Variants in SHC3 observed in about 807,000 individuals in gnomAD.
The protein encoded by SHC3 is SHC adaptor protein 3, also known as SHC-transforming protein 3.
A neutral mutation model predicts 60.4 loss-of-function variants in SHC3; 15 were observed. The observed-to-expected ratio is 0.25, with a 90% confidence interval of 0.17 to 0.38. The LOEUF is 0.38. Ranked by LOEUF, SHC3 falls within the 10% of genes least tolerant of loss-of-function variation. The pLI is 1.00. For synonymous variants in SHC3, 294 were observed against 325.9 expected, an observed-to-expected ratio of 0.90 and a Z score of 1.05; for missense variants, 677 against 786.1, an observed-to-expected ratio of 0.86 and a Z score of 1.66.
At chr9:89,074,439 A>T (rs1825321947) in intron 4 of SHC3, among the ~76,000 whole-genome samples, 1 of 152,124 alleles carries the variant, frequency 6.6e-6, no homozygotes, top group Non-Finnish European at 1.5e-5. Flanking sequence ...TGGTAGCTAA[A>T]ATAGCTACTC....
intron 1 of SHC3, among the ~76,000 whole-genome samples, chr9:89,144,324 T>C (rs1414364684): frequency 6.6e-6 from 1 of 152,198 alleles, no homozygotes; most frequent in African/African-American, 2.4e-5. Flanking sequence ...AAAGAACAAG[T>C]AAAAGAAACT....
chr9:89,101,468 T>C (rs1343424559), intron 2 of SHC3, among the ~76,000 whole-genome samples: 1 of 152,166 alleles, frequency 6.6e-6, no homozygotes, highest in Non-Finnish European at 1.5e-5. Flanking sequence ...TTAACTATGA[T>C]ATTGACTGTA....
At chr9:89,116,076 A>T (rs920119682) in intron 1 of SHC3, among the ~76,000 whole-genome samples, 5 of 152,144 alleles carry the variant, frequency 3.3e-5, no homozygotes, top group African/African-American at 9.7e-5. Flanking sequence ...ACCACCATCG[A>T]TGTTGCAAAA....
At chr9:89,037,338 T>A in intron 11 of SHC3, 1 of 603,262 alleles carries the variant, frequency 1.7e-6, no homozygotes, top group East Asian at 2.8e-5. Context: ...TTTTAAACAA[T>A]CCTGGAATTT....
At chr9:89,047,237 C>T (rs937044921) in intron 7 of SHC3, among the ~76,000 whole-genome samples, 1 of 152,174 alleles carries the variant, frequency 6.6e-6, no homozygotes, top group Non-Finnish European at 1.5e-5. Flanking sequence ...TGTAAAAGTA[C>T]ATTTTAATTA....
intron 9 of SHC3, among the ~76,000 whole-genome samples, chr9:89,043,449 A>C (rs959317457): frequency 6.6e-5 from 10 of 152,192 alleles, no homozygotes; most frequent in African/African-American, 2.4e-4. Flanking sequence ...TTCATTAAAA[A>C]ATTTTAAAAG....
rs567364605 is a variant in SHC3, at chr9:89,082,414, G to C, written c.546-4511C>G. Among the ~76,000 whole-genome samples, 3 of 152,312 alleles carry C rather than the reference G, an allele frequency of 2.0e-5. No individual in the cohort carries two copies. In the South Asian group the frequency reaches 6.2e-4, roughly 32 times the overall value. On this transcript the variant is annotated intron_variant, in intron 2 of 11. Coordinates refer to ENST00000375835, the MANE Select transcript of SHC3 (RefSeq NM_016848.6). ...TCTGCCAGGCTATAGCAGGAGGGCA[G>C]TTGCTCCTCAAACACAGCCACTCCT...
chr9:89,176,083 C>T (rs1250866181), intron 1 of SHC3, among the ~76,000 whole-genome samples: 2 of 152,186 alleles, frequency 1.3e-5, no homozygotes, highest in Admixed American at 1.3e-4. Context: ...GGAACCAAAA[C>T]ATGGATGGTA....
At chr9:89,041,578 T>C (rs1394374322) in intron 10 of SHC3, among the ~76,000 whole-genome samples, 1 of 152,076 alleles carries the variant, frequency 6.6e-6, no homozygotes, top group Non-Finnish European at 1.5e-5. Flanking sequence ...AAAACCCTCA[T>C]AAGAGAGAGG....
intron 1 of SHC3, among the ~76,000 whole-genome samples, chr9:89,160,120 C>T (rs1381920849): frequency 6.6e-6 from 1 of 152,216 alleles, no homozygotes; most frequent in Non-Finnish European, 1.5e-5. Context: ...CTCTAAGGGG[C>T]TACAGCCCAT....
At position 89,006,628 on chromosome 9, in the gene SHC3, T is replaced by C. The variant is rs1238539238; in HGVS notation, c.*6819A>G. ...GCCATCCAAATGCTTTTTAAAAAGT[T>C]ATTATCTTATTATTACACATTAAAT... On this transcript the variant is annotated 3_prime_UTR_variant, in exon 12 of 12. Coordinates refer to ENST00000375835, the MANE Select transcript of SHC3 (RefSeq NM_016848.6). 1 of 152,258 alleles carries C rather than the reference T, an allele frequency of 6.6e-6. No homozygotes were observed. Among genetic ancestry groups the C allele is most frequent in the East Asian group, 1.9e-4 (1 of 5,206 alleles). The allele number at this position is 152,258 out of a possible 1,614,324, so 9.4% of individuals were successfully genotyped here.
At chr9:89,100,605 A>G (rs892439530) in intron 2 of SHC3, among the ~76,000 whole-genome samples, 35 of 152,126 alleles carry the variant, frequency 2.3e-4, no homozygotes, top group African/African-American at 8.4e-4. Flanking sequence ...TTTATCCCCA[A>G]AAGGTTTCTC....
intron 1 of SHC3, among the ~76,000 whole-genome samples, chr9:89,124,648 G>T (rs1288829395): frequency 2.0e-5 from 3 of 152,080 alleles, no homozygotes; most frequent in Non-Finnish European, 4.4e-5. Context: ...AAGAACACAT[G>T]AACACAGGGA....
At chr9:89,173,442 C>A in intron 1 of SHC3, among the ~76,000 whole-genome samples, 1 of 152,318 alleles carries the variant, frequency 6.6e-6, no homozygotes, top group Non-Finnish European at 1.5e-5. Flanking sequence ...GGTAAGACAC[C>A]GTGCGGAGGC....
chr9:89,037,668 C>T (rs1824604677), intron 11 of SHC3: 3 of 625,732 alleles, frequency 4.8e-6, no homozygotes, highest in Non-Finnish European at 2.9e-6. Flanking sequence ...GGAGCCTGTA[C>T]TTCCTTGTCT....
At chr9:89,043,799 C>T (rs1367973472) in intron 9 of SHC3, among the ~76,000 whole-genome samples, 6 of 151,986 alleles carry the variant, frequency 3.9e-5, no homozygotes, top group African/African-American at 1.4e-4. Context: ...ATTACAGGTG[C>T]CCACCACCAT....
chr9:89,138,077 G>A (rs1263405773), intron 1 of SHC3, among the ~76,000 whole-genome samples: 3 of 152,156 alleles, frequency 2.0e-5, no homozygotes, highest in Non-Finnish European at 4.4e-5. Context: ...CCTTGCCCTG[G>A]GAAGCCGTGA....
intron 2 of SHC3, among the ~76,000 whole-genome samples, chr9:89,104,267 G>C (rs1374412516): frequency 6.6e-6 from 1 of 152,106 alleles, no homozygotes; most frequent in African/African-American, 2.4e-5. Flanking sequence ...TTAAATACTG[G>C]TTCTCAAACT....
At chr9:89,038,414 A>G in intron 10 of SHC3, 126 bp from the exon 11 acceptor site, 1 of 1,032,232 alleles carries the variant, frequency 9.7e-7, no homozygotes, top group Middle Eastern at 2.8e-4. Flanking sequence ...GGGGAAAACA[A>G]AAACCAATGG....
Sources: allele counts gnomAD v4.1 joint callset (sites outside exome capture counted in the v4.1 genomes callset), GRCh38; gene constraint gnomAD v4.1.1; transcripts MANE v1.5; gene names NCBI Gene and HGNC (gene_info 2026-07-23, HGNC 2026-07-21).